Variants in TNS1 observed in about 807,000 individuals in gnomAD.
The protein encoded by TNS1 is tensin 1, also known as tensin-1.
Under a neutral mutation model 168.6 loss-of-function variants are expected in TNS1, and 62 were observed. That is an observed-to-expected ratio of 0.37 (90% CI 0.30 to 0.45). The LOEUF is 0.45. Ranked by LOEUF, TNS1 falls within the 20% of genes least tolerant of loss-of-function variation. The pLI, the probability that TNS1 is intolerant of heterozygous loss-of-function variation, is 1.00. For synonymous variants in TNS1, 934 were observed against 933.2 expected, an observed-to-expected ratio of 1.00 and a Z score of -0.02; for missense variants, 2,240 against 2,339.4, an observed-to-expected ratio of 0.96 and a Z score of 0.88.
At chr2:217,946,994 C>CACACACACACACAG (rs1447178928) in intron 3 of TNS1, among the ~76,000 whole-genome samples, 1 of 151,012 alleles carries the variant, frequency 6.6e-6, no homozygotes, top group African/African-American at 2.4e-5. Flanking sequence ...CACACACACA[C>CACACACACACACAG]AGTAAAAACT....
At chr2:217,831,216 C>T (rs983567472) in intron 22 of TNS1, among the ~76,000 whole-genome samples, 1 of 152,172 alleles carries the variant, frequency 6.6e-6, no homozygotes, top group Non-Finnish European at 1.5e-5. Flanking sequence ...ACCAGGCCTC[C>T]AAAGCCTCAA....
intron 30 of TNS1, among the ~76,000 whole-genome samples, chr2:217,809,480 G>GATGGATGC (rs1940264376): frequency 6.9e-5 from 2 of 28,870 alleles, no homozygotes; most frequent in African/African-American, 4.0e-4. Flanking sequence ...TGGATGGATG[G>GATGGATGC]ATGGATGGAT....
At chr2:217,978,969 G>T (rs962544643) in intron 2 of TNS1, 167 bp from the exon 3 acceptor site, 4 of 611,622 alleles carry the variant, frequency 6.5e-6, no homozygotes, top group Admixed American at 4.7e-5. Context: ...GGAGGGGAGC[G>T]GCTGCCGGGC....
intron 24 of TNS1, among the ~76,000 whole-genome samples, chr2:217,816,418 A>G (rs535320682): frequency 2.6e-5 from 4 of 152,238 alleles, no homozygotes; most frequent in African/African-American, 4.8e-5. Flanking sequence ...TCAACCTATG[A>G]TTTACACTCC....
chr2:217,858,671 TACACACACACAC>T, intron 18 of TNS1: 2 of 149,322 alleles, frequency 1.3e-5, no homozygotes, highest in South Asian at 2.8e-4. Flanking sequence ...CCTGCCCATG[TACACACACACAC>T]ACACACACAC....
At chr2:217,864,161 G>A (rs1559262495) in intron 18 of TNS1, among the ~76,000 whole-genome samples, 1 of 152,202 alleles carries the variant, frequency 6.6e-6, no homozygotes, top group African/African-American at 2.4e-5. Flanking sequence ...TGTTGGATGA[G>A]GGTCGGGACA....
At chr2:217,909,172 G>A (rs1276365853) in intron 4 of TNS1, among the ~76,000 whole-genome samples, 1 of 151,600 alleles carries the variant, frequency 6.6e-6, no homozygotes, top group East Asian at 2.0e-4. Flanking sequence ...CTTTTCCAGG[G>A]GCTCTGTCAT....
intron 1 of TNS1, among the ~76,000 whole-genome samples, chr2:218,031,482 T>G (rs1958899433): frequency 6.6e-6 from 1 of 150,806 alleles, no homozygotes; most frequent in Admixed American, 6.6e-5. Flanking sequence ...TATGAGTGTG[T>G]GTTGTGTGTG....
In TNS1 at chr2:217,836,022, G is replaced by A; in HGVS notation, c.3197C>T (p.Pro1066Leu). The A allele has an allele frequency of 6.2e-7, 1 of 1,612,856 alleles. No individual in the cohort carries two copies. Among genetic ancestry groups the A allele is most frequent in the South Asian group, 1.1e-5 (1 of 91,002 alleles). Reference sequence around the variant, plus strand: ...TACAGCTTAAGGACTCACCTCTTTGGGCCGCCCTCCAGGATTGAGAGCGAT... The same window carrying A: ...TACAGCTTAAGGACTCACCTCTTTGAGCCGCCCTCCAGGATTGAGAGCGAT... ...LTIALNPGGR[P>L]KEPHLHSYKE... is the part of the protein sequence containing the mutation. Residue 1066 changes from proline (P) to leucine (L), a missense_variant, in exon 20 of 33, where the codon CCC becomes CTC. By Grantham distance (98) the Pro-to-Leu change is moderately conservative (BLOSUM62 -3). This residue lies in a region of TNS1 where 2,131 missense variants were observed against 2,171.2 expected (regional missense o/e 0.98). Transcript: ENST00000682258.
At chr2:217,805,553 CCA>C (rs1938635406) in intron 32 of TNS1, among the ~76,000 whole-genome samples, 1 of 792 alleles carries the variant, frequency 1.3e-3, no homozygotes, top group South Asian at 0.042. Flanking sequence ...CCACCACACA[CCA>C]CACACACCAC....
chr2:217,834,614 G>A (rs1944911720), intron 21 of TNS1, among the ~76,000 whole-genome samples: 1 of 152,150 alleles, frequency 6.6e-6, no homozygotes, highest in Admixed American at 6.5e-5. Context: ...TGGATGAGCT[G>A]GGGGCTCTGT....
At chr2:217,846,443 C>T (rs1456913001) in intron 19 of TNS1, among the ~76,000 whole-genome samples, 1 of 152,130 alleles carries the variant, frequency 6.6e-6, no homozygotes, top group Non-Finnish European at 1.5e-5. Context: ...CATGGTGACT[C>T]AGCTTCCCCT....
At chr2:217,932,238 G>A (rs1038218314) in intron 3 of TNS1, among the ~76,000 whole-genome samples, 14 of 152,250 alleles carry the variant, frequency 9.2e-5, no homozygotes, top group African/African-American at 3.4e-4. Flanking sequence ...CTAACTACAG[G>A]GTAAGAGGAG....
rs566694767 is a variant in TNS1 at position 217,847,581 on chromosome 2, G to A, written c.2936C>T (p.Thr979Ile). The A allele has an allele frequency of 6.6e-7, 1 of 1,508,048 alleles. No homozygotes were observed. Among genetic ancestry groups the A allele is most frequent in the East Asian group, 2.3e-5 (1 of 43,760 alleles). 93.4% of individuals were successfully genotyped at this position (1,508,048 alleles called of 1,614,324 possible). The change falls in exon 19 of 33, where the codon ACT becomes ATT. Residue 979 changes from threonine to isoleucine, a missense_variant. Transcript: ENST00000682258. ...CTCTGGAGTCCGGGAGGGGTCTGAA[G>A]TCGCTTCCTTTGGTGAGAGCAGAGG... ...AQPLLSPKEA[T>I]SDPSRTPEEE...
At chr2:218,026,445 G>A (rs966271920) in intron 1 of TNS1, among the ~76,000 whole-genome samples, 2 of 152,196 alleles carry the variant, frequency 1.3e-5, no homozygotes, top group Admixed American at 1.3e-4. Flanking sequence ...CAGAAGGAGA[G>A]AAAGGAGGCA....
At chr2:217,859,779 C>T (rs1178813290) in intron 18 of TNS1, 6 of 1,176,952 alleles carry the variant, frequency 5.1e-6, no homozygotes, top group East Asian at 2.6e-5. Flanking sequence ...CACCCAGATC[C>T]GAGAGCCATG....
Position 217,856,893 on chromosome 2 carries a change from G to A in TNS1, c.1430-7806C>T, listed in dbSNP as rs939198647. The stretch of plus-strand genomic sequence containing the variant: ...TCAGGGCTGTGCTGTCAGTCTTGTC[G>A]CAGGTGGCTTTGTCCTCTAAGCAAG... On this transcript the variant is annotated intron_variant, in intron 18 of 32. Coordinates refer to ENST00000682258, the MANE Select transcript of TNS1 (RefSeq NM_001387777.1). Among the ~76,000 whole-genome samples the A allele has an allele frequency of 3.3e-5, 5 of 152,188 alleles. No individual in the cohort carries two copies. In the South Asian group the frequency reaches 6.2e-4, roughly 19 times the overall value.
chr2:217,841,845 C>T (rs939776627), intron 19 of TNS1, among the ~76,000 whole-genome samples: 3 of 152,328 alleles, frequency 2.0e-5, no homozygotes, highest in African/African-American at 7.2e-5. Context: ...TCCTGGGGAA[C>T]CCCTTGTGCT....
intron 6 of TNS1, 79 bp from the exon 7 acceptor site, chr2:217,900,591 G>A (rs760694740): frequency 6.2e-5 from 86 of 1,387,186 alleles, no homozygotes; most frequent in Admixed American, 1.0e-4. Flanking sequence ...AGCTGTCCAC[G>A]GGGGCAAACA....
Sources: allele counts gnomAD v4.1 joint callset (sites outside exome capture counted in the v4.1 genomes callset), GRCh38; gene constraint gnomAD v4.1.1; regional missense constraint gnomAD v4.1.1; transcripts MANE v1.5; gene names NCBI Gene and HGNC (gene_info 2026-07-23, HGNC 2026-07-21).